The following COL4A3 variants were observed in gnomAD, a reference collection of about 807,000 sequenced individuals.
The protein encoded by COL4A3 is collagen type IV alpha 3 chain.
COL4A3 carries 135 observed loss-of-function variants against 217.4 expected under a neutral mutation model. That is an observed-to-expected ratio of 0.62 (90% CI 0.54 to 0.72). The LOEUF is 0.72. COL4A3 is among the 30% of genes least tolerant of loss of function. The pLI is 0.00. For synonymous variants in COL4A3, 690 were observed against 736.3 expected, an observed-to-expected ratio of 0.94 and a Z score of 1.02; for missense variants, 1,868 against 2,119.9, an observed-to-expected ratio of 0.88 and a Z score of 2.33.
chr2:227,177,298 T>G (rs1303015160), intron 1 of COL4A3, among the ~76,000 whole-genome samples: 1 of 151,562 alleles, frequency 6.6e-6, no homozygotes, highest in Admixed American at 6.6e-5. Context: ...TACAGGCGCC[T>G]GCCACCACTC....
intron 3 of COL4A3, among the ~76,000 whole-genome samples, chr2:227,241,936 T>A (rs1192122718): frequency 6.6e-6 from 1 of 152,170 alleles, no homozygotes; most frequent in East Asian, 1.9e-4. Context: ...TTTTCCTGGG[T>A]CACGCAGCTC....
intron 14 of COL4A3, 126 bp from the exon 15 acceptor site, chr2:227,254,530 T>C (rs2070027008): frequency 6.2e-6 from 5 of 804,918 alleles, no homozygotes; most frequent in South Asian, 5.7e-5. Flanking sequence ...ATTTCTCTCT[T>C]AGATGGCTCA....
chr2:227,203,170 T>TATATGTGTATATGTGTGTATATATAC lies in COL4A3; in HGVS notation c.88-34793_88-34768dup, dbSNP rs2066871599. On this transcript the variant is annotated intron_variant, in intron 1 of 51. Coordinates refer to ENST00000396578, the MANE Select transcript of COL4A3 (RefSeq NM_000091.5). ...ATGTGTATATATACATATATGTGTATATATGTGTATATGTGTGTATATATA... is the reference window on the plus strand; with the variant it reads ...ATGTGTATATATACATATATGTGTATATATGTGTATATGTGTGTATATATACATATGTGTATATGTGTGTATATATA... Among the ~76,000 whole-genome samples the TATATGTGTATATGTGTGTATATATAC allele has an allele frequency of 6.8e-5, 2 of 29,288 alleles. 1 individual carries two copies. Among genetic ancestry groups the TATATGTGTATATGTGTGTATATATAC allele is most frequent in the South Asian group, 2.7e-3 (2 of 738 alleles). The allele number at this position is 29,288 out of a possible 152,430, so 19.2% of individuals were successfully genotyped here.
chr2:227,299,694 T>C (rs777105805), intron 43 of COL4A3, among the ~76,000 whole-genome samples: 2 of 152,184 alleles, frequency 1.3e-5, no homozygotes, highest in East Asian at 3.9e-4. Context: ...CTGTGCAGTG[T>C]GCCTAAGGGA....
intron 48 of COL4A3, among the ~76,000 whole-genome samples, chr2:227,308,541 T>C (rs1659225711): frequency 6.6e-6 from 1 of 152,232 alleles, no homozygotes; most frequent in South Asian, 2.1e-4. Context: ...ATCTCACAAA[T>C]AACTGCTTTT....
intron 25 of COL4A3, among the ~76,000 whole-genome samples, chr2:227,271,807 G>T (rs961177459): frequency 1.3e-5 from 2 of 152,126 alleles, no homozygotes; most frequent in African/African-American, 4.8e-5. Context: ...GAGTGAGAGG[G>T]TGAGCACCTG....
Position 227,202,880 on chromosome 2 carries a change from CATATGTGTATATATGTGTAT to C in COL4A3, c.88-35073_88-35054del, listed in dbSNP as rs869235190. Among the ~76,000 whole-genome samples the C allele has an allele frequency of 1.7e-3, 33 of 19,022 alleles. 12 individuals carry two copies. Among genetic ancestry groups the C allele is most frequent in the African/African-American group, 0.012 (33 of 2,718 alleles). 12.5% of individuals were successfully genotyped at this position (19,022 alleles called of 152,430 possible). A position where few individuals can be genotyped will look rare whatever the true frequency, so the allele number is the denominator to read the frequency against. On this transcript the variant is annotated intron_variant, in intron 1 of 51. Transcript: ENST00000396578. ...ATATATACATATATGTGTATATATA[CATATGTGTATATATGTGTAT>C]ATATGTGTATATATACATATATGTG...
intron 51 of COL4A3, 74 bp from the exon 52 acceptor site, chr2:227,311,712 T>C: frequency 6.9e-7 from 1 of 1,455,300 alleles, no homozygotes. Context: ...AAATATTCAT[T>C]AATAAAACAA....
chr2:227,259,749 TA>T, intron 18 of COL4A3, 43 bp from the exon 19 acceptor site: 1 of 1,399,956 alleles, frequency 7.1e-7, no homozygotes, highest in Non-Finnish European at 1.0e-6. Flanking sequence ...GAGCTGTCCA[TA>T]AATAGCTATC....
intron 15 of COL4A3, among the ~76,000 whole-genome samples, chr2:227,255,585 A>G (rs1031675715): frequency 2.6e-4 from 40 of 152,342 alleles, no homozygotes; most frequent in African/African-American, 9.1e-4. Flanking sequence ...TCTTTTATAC[A>G]TATATTTAAA....
intron 1 of COL4A3, among the ~76,000 whole-genome samples, chr2:227,197,589 C>T (rs1421814934): frequency 6.6e-6 from 1 of 152,054 alleles, no homozygotes; most frequent in African/African-American, 2.4e-5. Flanking sequence ...AGTTGTTTAA[C>T]ACTTGTATTT....
chr2:227,309,430 AAC>A, intron 50 of COL4A3, 112 bp downstream of exon 50: 1 of 798,908 alleles, frequency 1.3e-6, no homozygotes, highest in Admixed American at 2.0e-5. Context: ...CCGTGTGTGC[AAC>A]ATGCCATAGA....
chr2:227,255,970 T>C (rs1574706665), intron 15 of COL4A3, 56 bp from the exon 16 acceptor site: 2 of 1,549,512 alleles, frequency 1.3e-6, no homozygotes, highest in East Asian at 4.5e-5. Context: ...ATTTCCGTAT[T>C]TGTAAAGTTA....
chr2:227,245,328 G>C (rs916697521), intron 5 of COL4A3, among the ~76,000 whole-genome samples: 1 of 151,708 alleles, frequency 6.6e-6, no homozygotes, highest in Non-Finnish European at 1.5e-5. Flanking sequence ...AATAAAAATT[G>C]TACAAACCTA....
At chr2:227,247,505 G>A (rs2069421745) in intron 7 of COL4A3, 53 bp from the exon 8 acceptor site, 9 of 1,571,846 alleles carry the variant, frequency 5.7e-6, no homozygotes, top group Admixed American at 1.7e-5. Context: ...GACCGAGTAG[G>A]AGTGTGTGCG....
chr2:227,164,762 C>A lies in COL4A3; in HGVS notation c.36C>A (p.Leu12=), dbSNP rs1189095338. Residue 12 remains leucine (L), a synonymous_variant, in exon 1 of 52, where the codon CTC becomes CTA. Coordinates refer to ENST00000396578, the MANE Select transcript of COL4A3 (RefSeq NM_000091.5). The surrounding 1 kb of genome is among the most constrained non-coding windows in gnomAD (Gnocchi z 4.8). ...SARTAPRPQV[L]LLPLLLVLLA... ...GGACCGCCCCCAGGCCGCAGGTGCT[C>A]CTGCTGCCGCTCCTGCTGGTGCTCC... 5 of 1,523,512 alleles carry A rather than the reference C, an allele frequency of 3.3e-6. No individual in the cohort carries two copies. The highest frequency in any genetic ancestry group is 2.5e-5 in the East Asian group (1 of 39,722). The allele number at this position is 1,523,512 out of a possible 1,614,324, so 94.4% of individuals were successfully genotyped here. A position where few individuals can be genotyped will look rare whatever the true frequency, so the allele number is the denominator to read the frequency against.
intron 1 of COL4A3, among the ~76,000 whole-genome samples, chr2:227,229,139 G>C (rs936836571): frequency 1.3e-5 from 2 of 152,174 alleles, no homozygotes; most frequent in Non-Finnish European, 2.9e-5. Flanking sequence ...AAAGCGATGT[G>C]CAGGTGAGAC....
At chr2:227,196,902 TTG>T (rs76031480) in intron 1 of COL4A3, among the ~76,000 whole-genome samples, 32,314 of 152,034 alleles carry the variant, frequency 0.21, 3,576 homozygotes, top group African/African-American at 0.25. Flanking sequence ...TCATCTTGAA[TTG>T]TGTAGCTCCT....
At chr2:227,222,180 A>AATAAT (rs2067844108) in intron 1 of COL4A3, among the ~76,000 whole-genome samples, 2 of 123,556 alleles carry the variant, frequency 1.6e-5, no homozygotes, top group African/African-American at 2.6e-5. Flanking sequence ...ATGATAATAA[A>AATAAT]AAGCTCCTTA....
Sources: gnomAD v4.1 joint callset for allele counts (sites outside exome capture counted in the v4.1 genomes callset) on GRCh38, gnomAD v4.1.1 for gene constraint, Gnocchi (gnomAD v3.1) non-coding constraint, MANE v1.5 for transcripts, NCBI Gene and HGNC (gene_info 2026-07-23, HGNC 2026-07-21) for gene names.